ANKRD52: variants seen among roughly 807,000 people sequenced by gnomAD.
ANKRD52 encodes ankyrin repeat domain 52.
A neutral mutation model predicts 116.0 loss-of-function variants in ANKRD52; 7 were observed. The ratio of observed to expected loss-of-function variants is 0.06; its 90% confidence interval spans 0.03 to 0.11. ANKRD52 has a LOEUF of 0.11. ANKRD52 is among the 10% of genes least tolerant of loss of function. The pLI, the probability that ANKRD52 is intolerant of heterozygous loss-of-function variation, is 1.00. For missense variants in ANKRD52, 839 were observed against 1,408.6 expected, an observed-to-expected ratio of 0.60 and a Z score of 6.47; for synonymous variants, 528 against 578.1, an observed-to-expected ratio of 0.91 and a Z score of 1.24.
At position 56,255,778 on chromosome 12, in the gene ANKRD52, C is replaced by T. The variant is rs368000752; in HGVS notation, c.462+6G>A. ...CCAGCTGGGCCTGGATGGGAACAGT[C>T]CTCACCTCAAGATGCCCACTATGCA... is the stretch of plus-strand genomic sequence containing the variant. On this transcript the variant is annotated splice_donor_region_variant and intron_variant, in intron 5 of 27. Coordinates refer to ENST00000267116, the MANE Select transcript of ANKRD52 (RefSeq NM_173595.4). This position sits in a 1 kb window ranked among gnomAD's most constrained non-coding sequence, Gnocchi z 4.3. 2.7e-5 allele frequency: 42 copies of T among 1,562,228 alleles called. No individual in the cohort carries two copies. The African/African-American group carries it at 5.6e-4, about 21-fold the overall frequency.
intron 15 of ANKRD52, among the ~76,000 whole-genome samples, chr12:56,251,798 T>A (rs1396424900): frequency 4.6e-5 from 7 of 150,666 alleles, no homozygotes; most frequent in Non-Finnish European, 1.0e-4. Flanking sequence ...CTCATACTTT[T>A]GGGTTTTTTT....
In ANKRD52 at chr12:56,244,361, A is replaced by G. The variant is rs1489588966; in HGVS notation, c.2797T>C (p.Cys933Arg). The G allele has an allele frequency of 6.2e-7, 1 of 1,613,824 alleles. No homozygotes were observed. Among genetic ancestry groups the G allele is most frequent in the African/African-American group, 1.3e-5 (1 of 74,896 alleles). The change falls in exon 25 of 28, where the codon TGT (cysteine) becomes CGT (arginine). Residue 933 changes from cysteine (C) to arginine (R), a missense_variant. Cys to Arg is a radical substitution (Grantham distance 180). Around this residue, in one of 2 missense-constraint regions of ANKRD52, gnomAD observed 552 missense variants for 810.6 expected, o/e 0.68. Transcript: ENST00000267116. The surrounding 1 kb of genome is among the most constrained non-coding windows in gnomAD (Gnocchi z 4.9). ...TCACTTCAGGTAAGTACCTTGCTAC[A>G]AGCCAAGTGGAGGGCCGTGTTCTTG... ...ENKNTALHLA[C>R]SKGHEKCALM... is the part of the protein sequence containing the mutation.
chr12:56,243,225 C>T lies in ANKRD52; in HGVS notation c.3148G>A (p.Gly1050Ser), dbSNP rs769320051. Residue 1050 changes from glycine (G) to serine (S), a missense_variant, in exon 28 of 28, where the codon GGC (glycine) becomes AGC (serine). By Grantham distance (56) the Gly-to-Ser change is moderately conservative (BLOSUM62 0). Coordinates refer to ENST00000267116, the MANE Select transcript of ANKRD52 (RefSeq NM_173595.4). This position sits in a 1 kb window ranked among gnomAD's most constrained non-coding sequence, Gnocchi z 4.6. ...CAGGAGGCCCCATGGGGCAGGGCGC[C>T]GCAGCCACCCACCGTCTTGGCGGCT... is the stretch of plus-strand genomic sequence containing the variant. ...IAAAKTVGGC[G>S]ALPHGASCPY... 100 of 1,613,714 alleles carry T rather than the reference C, an allele frequency of 6.2e-5. No individual in the cohort carries two copies. Among genetic ancestry groups the T allele is most frequent in the Non-Finnish European group, 7.7e-5 (91 of 1,179,802 alleles).
At position 56,252,622 on chromosome 12, in the gene ANKRD52, C is replaced by A; in HGVS notation, c.1302-52G>T. 6.3e-7 allele frequency: 1 copy of A among 1,589,316 alleles called. No individual in the cohort carries two copies. The highest frequency in any genetic ancestry group is 8.6e-7 in the Non-Finnish European group (1 of 1,158,762). On this transcript the variant is annotated intron_variant, in intron 12 of 27. Transcript: ENST00000267116. The surrounding 1 kb of genome is among the most constrained non-coding windows in gnomAD (Gnocchi z 4.7). ...TACAGCCTCAAAGGGAAGCCACAGG[C>A]CCAGGGTGGGGCTAAGGAAGGATGG...
chr12:56,248,355 G>A lies in ANKRD52; in HGVS notation c.1777-131C>T. ...TGACAAGCTCCTTGGGCCCCTTAAGGCTTCCTACCCTGCACTGTGCTTATC... is the reference window on the plus strand; with the variant it reads ...TGACAAGCTCCTTGGGCCCCTTAAGACTTCCTACCCTGCACTGTGCTTATC... On this transcript the variant is annotated intron_variant, in intron 17 of 27. Coordinates refer to ENST00000267116, the MANE Select transcript of ANKRD52 (RefSeq NM_173595.4). The surrounding 1 kb of genome is among the most constrained non-coding windows in gnomAD (Gnocchi z 5.1). 7.1e-7 allele frequency: 1 copy of A among 1,412,562 alleles called. No homozygotes were observed. The highest frequency in any genetic ancestry group is 1.8e-4 in the Middle Eastern group (1 of 5,502). The allele number at this position is 1,412,562 out of a possible 1,614,324, so 87.5% of individuals were successfully genotyped here.
chr12:56,247,352 A>C, intron 20 of ANKRD52, 141 bp downstream of exon 20: 1 of 719,340 alleles, frequency 1.4e-6, no homozygotes, highest in South Asian at 2.0e-5. Flanking sequence ...GTCTCAAAAA[A>C]AAAAAAAAAA....
rs765485811 is a variant in ANKRD52, at chr12:56,257,805, C to T, written c.111+23G>A. The T allele has an allele frequency of 9.3e-6, 15 of 1,610,666 alleles. No homozygotes were observed. In the African/African-American group the frequency reaches 1.3e-4, roughly 14 times the overall value. ...ACGGGAGCCAGGATTCCGGTCTCGC[C>T]ATCCTCCCTGCTCCCAACTCACCAG... On this transcript the variant is annotated intron_variant, in intron 2 of 27. Transcript: ENST00000267116.
chr12:56,244,255 A>G lies in ANKRD52; in HGVS notation c.2805+98T>C. ...CCCAACCAGTCGGATAGGCTGGACA[A>G]TCCTCACTTCTGCCCCAGTCCCCTC... On this transcript the variant is annotated intron_variant, in intron 25 of 27. Transcript: ENST00000267116. This position sits in a 1 kb window ranked among gnomAD's most constrained non-coding sequence, Gnocchi z 4.9. 2 of 1,528,378 alleles carry G rather than the reference A, an allele frequency of 1.3e-6. No individual in the cohort carries two copies. The highest frequency in any genetic ancestry group is 1.8e-6 in the Non-Finnish European group (2 of 1,106,620). 94.7% of individuals were successfully genotyped at this position (1,528,378 alleles called of 1,614,324 possible).
In ANKRD52 at chr12:56,258,309, C is replaced by G. The variant is rs1872065491; in HGVS notation, c.-40G>C. On this transcript the variant is annotated 5_prime_UTR_variant, in exon 1 of 28. Transcript: ENST00000267116. ...TCCGTCCGCATCGAGCTCCCGGCGG[C>G]GGCGGCGGCGGCTCCACCGGGGACA... 1 of 1,521,412 alleles carries G rather than the reference C, an allele frequency of 6.6e-7. No homozygotes were observed. The highest frequency in any genetic ancestry group is 1.4e-5 in the African/African-American group (1 of 69,298). The allele number at this position is 1,521,412 out of a possible 1,614,324, so 94.2% of individuals were successfully genotyped here.
rs767678060 is a variant in ANKRD52, at chr12:56,254,311, T to C, written c.694-32A>G. 2 of 1,603,350 alleles carry C rather than the reference T, an allele frequency of 1.2e-6. No individual in the cohort carries two copies. Among genetic ancestry groups the C allele is most frequent in the East Asian group, 4.5e-5 (2 of 44,742 alleles). ...ATTCAGGGGTGAGAGTAAGGTGGTA[T>C]CAGTTTAAACAAAGTAGAAGCCAGC... On this transcript the variant is annotated intron_variant, in intron 7 of 27. Transcript: ENST00000267116. This position sits in a 1 kb window ranked among gnomAD's most constrained non-coding sequence, Gnocchi z 4.6.
Position 56,253,119 on chromosome 12 carries a change from TCAAGGAGGGAC to T in ANKRD52, c.1101-44_1101-34del, listed in dbSNP as rs1259140753. Reference sequence around the variant, plus strand: ...GAAGTTGAGGGACTCAGTCCTTGGGTCAAGGAGGGACCAAGTAAGACCTCTTCTGTGACCTA... The same window carrying T: ...GAAGTTGAGGGACTCAGTCCTTGGGTCAAGTAAGACCTCTTCTGTGACCTA... On this transcript the variant is annotated intron_variant, in intron 10 of 27. Transcript: ENST00000267116. This position sits in a 1 kb window ranked among gnomAD's most constrained non-coding sequence, Gnocchi z 5.5. 2 of 1,528,210 alleles carry T rather than the reference TCAAGGAGGGAC, an allele frequency of 1.3e-6. No homozygotes were observed. Among genetic ancestry groups the T allele is most frequent in the East Asian group, 4.7e-5 (2 of 42,228 alleles). The allele number at this position is 1,528,210 out of a possible 1,614,324, so 94.7% of individuals were successfully genotyped here.
intron 15 of ANKRD52, among the ~76,000 whole-genome samples, chr12:56,249,406 A>G (rs1353839419): frequency 6.6e-6 from 1 of 152,216 alleles, no homozygotes; most frequent in Admixed American, 6.5e-5. Context: ...TGTCAAGCAC[A>G]GTTCTAAGTA....
Position 56,255,761 on chromosome 12 carries a change from G to T in ANKRD52, c.462+23C>A. The stretch of plus-strand genomic sequence containing the variant: ...TAAGAAAAGGGAAAGCCCCAGCTGG[G>T]CCTGGATGGGAACAGTCCTCACCTC... On this transcript the variant is annotated intron_variant, in intron 5 of 27. Transcript: ENST00000267116. This position sits in a 1 kb window ranked among gnomAD's most constrained non-coding sequence, Gnocchi z 4.3. The T allele has an allele frequency of 6.5e-7, 1 of 1,537,114 alleles. No homozygotes were observed. The highest frequency in any genetic ancestry group is 8.8e-7 in the Non-Finnish European group (1 of 1,132,036).
In ANKRD52 at chr12:56,248,802, A is replaced by G. The variant is rs1592390826; in HGVS notation, c.1661T>C (p.Val554Ala). 1.2e-6 allele frequency: 2 copies of G among 1,611,508 alleles called. No homozygotes were observed. Among genetic ancestry groups the G allele is most frequent in the East Asian group, 2.2e-5 (1 of 44,836 alleles). ...GTTGCCATAGGCGGCTGCATAGTGCACAGCTGTGTAGCCCTGCCTGTCCCG... is the reference window on the plus strand; with the variant it reads ...GTTGCCATAGGCGGCTGCATAGTGCGCAGCTGTGTAGCCCTGCCTGTCCCG... The part of the protein sequence containing the change: ...SLRDRQGYTA[V>A]HYAAAYGNRQ... Residue 554 changes from valine to alanine, a missense_variant, in exon 16 of 28, where the codon GTG becomes GCG. Val to Ala is a moderately conservative substitution (Grantham distance 64, BLOSUM62 0). Transcript: ENST00000267116. The surrounding 1 kb of genome is among the most constrained non-coding windows in gnomAD (Gnocchi z 5.1).
At chr12:56,257,937 A>G (rs199550066) in intron 1 of ANKRD52, 26 bp from the exon 2 acceptor site, 7 of 1,209,976 alleles carry the variant, frequency 5.8e-6, no homozygotes, top group African/African-American at 3.8e-5. Context: ...GCATTCTGAG[A>G]GCGGGCTGGA....
chr12:56,244,064 T>C lies in ANKRD52; in HGVS notation c.2875A>G (p.Ser959Gly), dbSNP rs1351716158. 5 of 1,613,852 alleles carry C rather than the reference T, an allele frequency of 3.1e-6. No homozygotes were observed. Among genetic ancestry groups the C allele is most frequent in the Non-Finnish European group, 4.2e-6 (5 of 1,179,866 alleles). The part of the protein sequence containing the change: ...QDLGLINATN[S>G]ALQMPLHIAA... The stretch of plus-strand genomic sequence containing the variant: ...CCAGGCACTCACATCTGCAGCGCAC[T>C]GTTGGTAGCATTGATAAGGCCAAGG... Residue 959 changes from serine to glycine, a missense_variant, in exon 26 of 28, where the codon AGT (serine) becomes GGT (glycine). This residue lies in a region of ANKRD52 where 552 missense variants were observed against 810.6 expected (regional missense o/e 0.68). Coordinates refer to ENST00000267116, the MANE Select transcript of ANKRD52 (RefSeq NM_173595.4). The surrounding 1 kb of genome is among the most constrained non-coding windows in gnomAD (Gnocchi z 4.9).
chr12:56,257,493 C>G (rs1047420979), intron 2 of ANKRD52, 132 bp from the exon 3 acceptor site: 87 of 865,926 alleles, frequency 1.0e-4, no homozygotes, highest in Admixed American at 2.6e-4. Flanking sequence ...TCCTAAGTCC[C>G]GGTATTGGGA....
At position 56,253,787 on chromosome 12, in the gene ANKRD52, T is replaced by C; in HGVS notation, c.920A>G (p.Lys307Arg). The C allele has an allele frequency of 1.2e-6, 2 of 1,613,958 alleles. No homozygotes were observed. The highest frequency in any genetic ancestry group is 1.7e-6 in the Non-Finnish European group (2 of 1,179,868). Residue 307 changes from lysine to arginine, a missense_variant, in exon 9 of 28, where the codon AAA becomes AGA. By Grantham distance (26) the Lys-to-Arg change is conservative. Transcript: ENST00000267116. The surrounding 1 kb of genome is among the most constrained non-coding windows in gnomAD (Gnocchi z 5.5). ...ADVNYQSKEG[K>R]SPLHMAAIHG... ...GATTGCAGCCATGTGCAGAGGACTT[T>C]TCCCTTCTTTGCTCTGTGGAAACAT...
In ANKRD52 at chr12:56,239,259, C is replaced by A; in HGVS notation, c.*3883G>T. On this transcript the variant is annotated 3_prime_UTR_variant, in exon 28 of 28. Coordinates refer to ENST00000267116, the MANE Select transcript of ANKRD52 (RefSeq NM_173595.4). The stretch of plus-strand genomic sequence containing the variant: ...ACCCTTCCCTCTCTACCTCCCGATT[C>A]CCAGACCACTGGGCTTGGTCCTCAA... The A allele has an allele frequency of 6.6e-6, 1 of 152,440 alleles. No homozygotes were observed. The allele number at this position is 152,440 out of a possible 1,614,324, so 9.4% of individuals were successfully genotyped here. A position where few individuals can be genotyped will look rare whatever the true frequency, so the allele number is the denominator to read the frequency against.
Sources: gnomAD v4.1 joint callset for allele counts (sites outside exome capture counted in the v4.1 genomes callset) on GRCh38, gnomAD v4.1.1 for gene constraint, gnomAD v4.1.1 regional missense constraint, Gnocchi (gnomAD v3.1) non-coding constraint, MANE v1.5 for transcripts, NCBI Gene and HGNC (gene_info 2026-07-23, HGNC 2026-07-21) for gene names.